CALN1: variants seen among roughly 807,000 people sequenced by gnomAD.
CALN1 encodes the protein calcium-binding protein 8.
In CALN1, 17 loss-of-function variants were observed where a neutral mutation model predicts 30.6. The ratio of observed to expected loss-of-function variants is 0.56; its 90% CI spans 0.38 to 0.83. The LOEUF (loss-of-function observed/expected upper bound fraction) is 0.83, where lower values mean the gene tolerates loss of function less well. Ranked by LOEUF, CALN1 falls within the 40% of genes least tolerant of loss-of-function variation. CALN1 has a pLI of 0.00. For synonymous variants in CALN1, 156 were observed against 131.4 expected (o/e 1.19, Z -1.28); for missense variants, 291 against 354.9 (o/e 0.82, Z 1.45).
At chr7:72,220,231 C>G (rs1448252283) in intron 3 of CALN1, among the ~76,000 whole-genome samples, 1 of 138,244 alleles carries the variant, frequency 7.2e-6, no homozygotes, top group African/African-American at 2.7e-5. Flanking sequence ...GTGATGTTCC[C>G]CTTCCTGTGT....
chr7:71,853,841 A>C (rs2116609851), intron 5 of CALN1, among the ~76,000 whole-genome samples: 2 of 152,274 alleles, frequency 1.3e-5, no homozygotes, highest in South Asian at 4.1e-4. Flanking sequence ...CGGCGTTCCA[A>C]AGTGCTGGGA....
At chr7:72,481,303 G>T in the CALN1 span, among the ~76,000 whole-genome samples, 3 of 152,174 alleles carry the variant, frequency 2.0e-5, no homozygotes, top group African/African-American at 7.2e-5. Context: ...GGCCAGGCTG[G>T]CCTGGAACTC....
chr7:71,895,174 C>T lies in CALN1; in HGVS notation c.502-84682G>A, dbSNP rs570461772. ...TTTCCTATGTTGCCCAGGCTGGTCT[C>T]AAACTCCTGGGCCCAAGCAATCCAC... On this transcript the variant is annotated intron_variant, in intron 5 of 6. Coordinates refer to ENST00000395275, the MANE Select transcript of CALN1 (RefSeq NM_031468.4). Among the ~76,000 whole-genome samples the T allele has an allele frequency of 2.6e-5, 4 of 152,250 alleles. No homozygotes were observed. In the East Asian group the frequency reaches 7.7e-4, roughly 29 times the overall value.
chr7:72,146,226 T>C (rs1050598333), intron 3 of CALN1, among the ~76,000 whole-genome samples: 43 of 152,264 alleles, frequency 2.8e-4, no homozygotes, highest in African/African-American at 9.9e-4. Context: ...GAAAACCCCA[T>C]TGTCTCAGCC....
At chr7:71,943,961 G>C (rs750520269) in intron 5 of CALN1, among the ~76,000 whole-genome samples, 1 of 152,140 alleles carries the variant, frequency 6.6e-6, no homozygotes, top group Non-Finnish European at 1.5e-5. Context: ...TTATGGTAAG[G>C]GTGTGCCCTG....
intron 3 of CALN1, among the ~76,000 whole-genome samples, chr7:72,243,800 C>T (rs1001361093): frequency 5.3e-5 from 8 of 152,286 alleles, no homozygotes; most frequent in Admixed American, 5.2e-4. Flanking sequence ...ACTCATTCTA[C>T]CTAAGTGAAT....
chr7:72,197,825 T>C (rs1205145739), intron 3 of CALN1, among the ~76,000 whole-genome samples: 1 of 152,044 alleles, frequency 6.6e-6, no homozygotes, highest in African/African-American at 2.4e-5. Flanking sequence ...CACTGCACTC[T>C]AGCCTGGACA....
intron 5 of CALN1, among the ~76,000 whole-genome samples, chr7:71,960,041 G>A (rs1036876669): frequency 2.0e-5 from 3 of 151,710 alleles, no homozygotes; most frequent in Non-Finnish European, 4.4e-5. Flanking sequence ...GACTGAGGGA[G>A]GAGAATCATT....
intron 5 of CALN1, among the ~76,000 whole-genome samples, chr7:71,868,021 T>C (rs1281561400): frequency 6.6e-6 from 1 of 152,240 alleles, no homozygotes; most frequent in African/African-American, 2.4e-5. Context: ...TTTTCACGTA[T>C]AAAAGTATTC....
intron 3 of CALN1, among the ~76,000 whole-genome samples, chr7:72,268,004 C>A (rs576853755): frequency 6.6e-6 from 1 of 152,060 alleles, no homozygotes; most frequent in African/African-American, 2.4e-5. Flanking sequence ...GACAGTCTGT[C>A]TTTAAAATTT....
At position 71,990,514 on chromosome 7, in the gene CALN1, G is replaced by A. The variant is rs566573906; in HGVS notation, c.501+33143C>T. ...GTCACCTAGGCTGGAGTCCAGTGGC[G>A]TAATCTCGGCTCACTATAACCTCTG... On this transcript the variant is annotated intron_variant, in intron 5 of 6. Transcript: ENST00000395275. 1.3e-3 allele frequency among the ~76,000 whole-genome samples: 190 copies of A among 151,312 alleles called. 1 individual carries two copies. Among genetic ancestry groups the A allele is most frequent in the African/African-American group, 4.4e-3 (183 of 41,230 alleles).
chr7:72,180,603 T>C (rs1310501855), intron 3 of CALN1, among the ~76,000 whole-genome samples: 5 of 129,908 alleles, frequency 3.8e-5, no homozygotes, highest in Admixed American at 1.7e-4. Flanking sequence ...TTATGCTTTT[T>C]TTTCTTTTTT....
intron 2 of CALN1, among the ~76,000 whole-genome samples, chr7:72,370,052 T>C (rs1804133688): frequency 6.6e-6 from 1 of 152,230 alleles, no homozygotes; most frequent in South Asian, 2.1e-4. Context: ...ACACCGTTAA[T>C]ACAAAATAGT....
intron 2 of CALN1, among the ~76,000 whole-genome samples, chr7:72,384,228 G>A (rs893542619): frequency 4.6e-5 from 7 of 152,170 alleles, no homozygotes; most frequent in Non-Finnish European, 1.0e-4. Context: ...CTGTCTCTGA[G>A]AAGTGTAGTT....
At chr7:71,852,277 C>A (rs1177689280) in intron 5 of CALN1, among the ~76,000 whole-genome samples, 1 of 151,998 alleles carries the variant, frequency 6.6e-6, no homozygotes, top group Non-Finnish European at 1.5e-5. Context: ...TATGTTTTCA[C>A]TTCTCTTGGG....
chr7:72,299,437 T>G (rs1799095192), intron 2 of CALN1, among the ~76,000 whole-genome samples: 1 of 152,176 alleles, frequency 6.6e-6, no homozygotes, highest in Admixed American at 6.5e-5. Flanking sequence ...ATGTAAATAT[T>G]TAACTCATCT....
intron 3 of CALN1, among the ~76,000 whole-genome samples, chr7:72,148,238 A>AT (rs1324442204): frequency 1.3e-5 from 2 of 149,632 alleles, no homozygotes; most frequent in Non-Finnish European, 3.0e-5. Context: ...TCCCACAGTA[A>AT]TGAGTTCACA....
intron 5 of CALN1, among the ~76,000 whole-genome samples, chr7:72,003,772 A>C (rs1205820361): frequency 6.6e-6 from 1 of 152,184 alleles, no homozygotes; most frequent in Non-Finnish European, 1.5e-5. Context: ...TATACATTAC[A>C]ATGTAATAAT....
At chr7:72,427,643 A>ATTTATT (rs558641956) in intron 1 of CALN1, among the ~76,000 whole-genome samples, 3,285 of 151,600 alleles carry the variant, frequency 0.022, 57 homozygotes, top group Middle Eastern at 0.041. Flanking sequence ...ACACATGGCA[A>ATTTATT]TTTATTTTTA....
Sources: gnomAD v4.1 joint callset for allele counts (sites outside exome capture counted in the v4.1 genomes callset) on GRCh38, gnomAD v4.1.1 for gene constraint, MANE v1.5 for transcripts, NCBI Gene and HGNC (gene_info 2026-07-23, HGNC 2026-07-21) for gene names.